The following TRPM5 variants were observed in gnomAD, a reference collection of about 807,000 sequenced individuals.
TRPM5 encodes the protein MLSN1 and TRP-related.
A neutral mutation model predicts 124.9 loss-of-function variants in TRPM5; 121 were observed. That is an observed-to-expected ratio of 0.97 (90% CI 0.84 to 1.13). The LOEUF (loss-of-function observed/expected upper bound fraction) is 1.13, where lower values mean the gene tolerates loss of function less well. TRPM5 is among the 50% of genes most tolerant of loss of function. The probability of loss-of-function intolerance (pLI) is 0.00; values close to 1 mark genes in which losing one functional copy is unlikely to be tolerated. For synonymous variants in TRPM5, 781 were observed against 700.5 expected (o/e 1.11, Z -1.81); for missense variants, 1,643 against 1,589.1 (o/e 1.03, Z -0.58).
chr11:2,440,046 G>T, the TRPM5 span, among the ~76,000 whole-genome samples: 1 of 152,168 alleles, frequency 6.6e-6, no homozygotes, highest in African/African-American at 2.4e-5. This position sits in a 1 kb window ranked among gnomAD's most constrained non-coding sequence, Gnocchi z 5.2. Context: ...GGTCCAGCTG[G>T]ACACCATTAT....
chr11:2,417,944 C>T, intron 6 of TRPM5, 115 bp from the exon 12 acceptor site: 2 of 1,122,272 alleles, frequency 1.8e-6, no homozygotes, highest in Non-Finnish European at 2.6e-6. Context: ...GCCTTGCAGC[C>T]TGCATGCCCA....
chr11:2,428,670 G>A, the TRPM5 span, among the ~76,000 whole-genome samples: 1 of 151,524 alleles, frequency 6.6e-6, no homozygotes, highest in African/African-American at 2.4e-5. The surrounding 1 kb of genome is among the most constrained non-coding windows in gnomAD (Gnocchi z 4.0). Context: ...TGGTGGGAAT[G>A]ATGACGAAGA....
exon 17 of TRPM5, chr11:2,411,662 G>T (rs750184149): frequency 1.9e-6 from 3 of 1,612,202 alleles, no homozygotes; most frequent in Non-Finnish European, 2.5e-6. Context: ...TGATCTTGGG[G>T]CCCAGCTGCT....
At chr11:2,418,530 C>A (rs1484035690) in exon 5 of TRPM5, 1 of 1,610,646 alleles carries the variant, frequency 6.2e-7, no homozygotes, top group African/African-American at 1.3e-5. Flanking sequence ...CCCCTACCTC[C>A]AAGGTGTTGG....
intron 3 of TRPM5, 22 bp downstream of exon 8, chr11:2,421,010 G>C (rs754476020): frequency 3.3e-6 from 5 of 1,526,614 alleles, no homozygotes; most frequent in Non-Finnish European, 4.4e-6. Context: ...AGCGGTCGTG[G>C]TGCTGGGAGC....
At chr11:2,435,623 C>T in the TRPM5 span, among the ~76,000 whole-genome samples, 1 of 151,976 alleles carries the variant, frequency 6.6e-6, no homozygotes, top group Non-Finnish European at 1.5e-5. This position sits in a 1 kb window ranked among gnomAD's most constrained non-coding sequence, Gnocchi z 4.1. Context: ...ATCCATCCAC[C>T]CATCCACCAA....
the TRPM5 span, among the ~76,000 whole-genome samples, chr11:2,437,837 C>A: frequency 6.6e-6 from 1 of 152,050 alleles, no homozygotes; most frequent in Non-Finnish European, 1.5e-5. This position sits in a 1 kb window ranked among gnomAD's most constrained non-coding sequence, Gnocchi z 5.6. Context: ...CATGCGGGGG[C>A]AGGTAGTTAG....
At chr11:2,413,511 G>A (rs776357197) in exon 13 of TRPM5, 2 of 1,612,358 alleles carry the variant, frequency 1.2e-6, no homozygotes, top group Non-Finnish European at 1.7e-6. Context: ...CGAGGGCGGG[G>A]CAGAGGAAGG....
At chr11:2,420,179 A>C (rs967464094) in intron 4 of TRPM5, 43 bp downstream of exon 9, 3 of 1,541,928 alleles carry the variant, frequency 1.9e-6, no homozygotes, top group Non-Finnish European at 1.7e-6. Context: ...CTGGATCCCC[A>C]CTGGGTCCCA....
chr11:2,421,279 C>G, intron 2 of TRPM5, 81 bp from the exon 8 acceptor site: 1 of 1,438,326 alleles, frequency 7.0e-7, no homozygotes, highest in Non-Finnish European at 9.2e-7. Context: ...CCCCTAGGCC[C>G]AATCAGCAGC....
At chr11:2,411,813 A>G in intron 16 of TRPM5, 46 bp from the exon 22 acceptor site, 1 of 1,606,830 alleles carries the variant, frequency 6.2e-7, no homozygotes, top group Non-Finnish European at 8.5e-7. Flanking sequence ...AGAGAGGGGC[A>G]GAGGCTTCCC....
At chr11:2,411,878 T>C (rs1850459947) in intron 16 of TRPM5, 111 bp from the exon 22 acceptor site, 2 of 1,368,348 alleles carry the variant, frequency 1.5e-6, no homozygotes, top group Non-Finnish European at 2.0e-6. Context: ...CCAGGACTCC[T>C]TGGGCCCTGA....
intron 21 of TRPM5, 96 bp from the exon 27 acceptor site, chr11:2,406,187 G>T: frequency 7.2e-7 from 1 of 1,386,792 alleles, no homozygotes. Flanking sequence ...GTGTGCCCGA[G>T]TTTGGGGTGC....
intron 6 of TRPM5, 141 bp from the exon 12 acceptor site, chr11:2,417,970 G>A (rs929379395): frequency 6.7e-5 from 67 of 1,005,026 alleles, no homozygotes; most frequent in Admixed American, 1.4e-4. Flanking sequence ...CACCGGGCCC[G>A]GCCTGGGACC....
exon 15 of TRPM5, chr11:2,413,012 C>T: frequency 6.2e-7 from 1 of 1,601,988 alleles, no homozygotes; most frequent in Non-Finnish European, 8.5e-7. Context: ...GCTCCTCCAC[C>T]CTGTGCCGCA....
chr11:2,427,729 G>T (rs371676825), upstream of TRPM5, among the ~76,000 whole-genome samples: 1 of 152,228 alleles, frequency 6.6e-6, no homozygotes, highest in Non-Finnish European at 1.5e-5. Context: ...GGGGTGGCCC[G>T]GGACCGATGC....
At chr11:2,411,575 G>C (rs1182906485) in intron 17 of TRPM5, 49 bp from the exon 23 acceptor site, 2 of 1,608,176 alleles carry the variant, frequency 1.2e-6, no homozygotes, top group East Asian at 4.5e-5. Context: ...CAGCCGGGTG[G>C]GGCCCAGGCA....
At chr11:2,405,625 A>G (rs1164963147) in intron 22 of TRPM5, 32 bp from the exon 28 acceptor site, 3 of 1,551,598 alleles carry the variant, frequency 1.9e-6, no homozygotes, top group Non-Finnish European at 2.6e-6. Context: ...GGGAAGCTCC[A>G]GGGCTCTCTC....
chr11:2,435,186 A>T, the TRPM5 span, among the ~76,000 whole-genome samples: 4 of 152,208 alleles, frequency 2.6e-5, no homozygotes, highest in Non-Finnish European at 4.4e-5. The surrounding 1 kb of genome is among the most constrained non-coding windows in gnomAD (Gnocchi z 4.1). Flanking sequence ...TACGTGAGAA[A>T]GAAGGAAGAT....
Sources: gnomAD v4.1 joint callset for allele counts (sites outside exome capture counted in the v4.1 genomes callset) on GRCh38, gnomAD v4.1.1 for gene constraint, Gnocchi (gnomAD v3.1) non-coding constraint, MANE v1.5 for transcripts, NCBI Gene and HGNC (gene_info 2026-07-23, HGNC 2026-07-21) for gene names.